DDX52: variants seen among roughly 807,000 people sequenced by gnomAD.
The protein encoded by DDX52 is DExD-box helicase 52.
DDX52 carries 59 observed loss-of-function variants against 76.1 expected under a neutral mutation model. That is an observed-to-expected ratio of 0.78 (90% confidence interval 0.63 to 0.96). The LOEUF is 0.96. Among genes scored for constraint, DDX52 ranks in the 40% least tolerant of loss-of-function variants. The probability of loss-of-function intolerance (pLI) is 0.00; values close to 1 mark genes in which losing one functional copy is unlikely to be tolerated. For synonymous variants in DDX52, 231 were observed against 244.1 expected (o/e 0.95, Z 0.50); for missense variants, 707 against 703.9 (o/e 1.00, Z -0.05).
rs148296607 is a variant in DDX52, at chr17:37,618,385, C to T, written c.1650-1G>A. ...CTTAATCATCTTTTTCTTTTGTTTG[C>T]TGAAAGTTACAAAGTAAAAAAGGAA... On this transcript the variant is annotated splice_acceptor_variant, in intron 13 of 14. Transcript: ENST00000617633. LOFTEE classifies it high-confidence loss of function. 2.5e-6 allele frequency: 4 copies of T among 1,578,452 alleles called. No individual in the cohort carries two copies. In the African/African-American group the frequency reaches 4.2e-5, roughly 16 times the overall value.
At chr17:37,630,209 A>G in intron 4 of DDX52, 36 bp from the exon 5 acceptor site, 1 of 1,523,842 alleles carries the variant, frequency 6.6e-7, no homozygotes, top group Non-Finnish European at 8.8e-7. Context: ...CTACAAAGAA[A>G]GTACATAAAT....
intron 2 of DDX52, among the ~76,000 whole-genome samples, chr17:37,638,770 CT>C (rs920881727): frequency 0.56 from 64,558 of 114,432 alleles, 16,269 homozygotes; most frequent in East Asian, 0.79. Flanking sequence ...TGTTTTTTTT[CT>C]TTTTTTTTTT....
At chr17:37,627,653 A>G (rs1447825528) in intron 6 of DDX52, among the ~76,000 whole-genome samples, 1 of 152,060 alleles carries the variant, frequency 6.6e-6, no homozygotes, top group Non-Finnish European at 1.5e-5. Flanking sequence ...CAAGATTTAA[A>G]CAAAACAAAA....
At chr17:37,637,281 G>A (rs776674519) in intron 2 of DDX52, among the ~76,000 whole-genome samples, 7 of 151,910 alleles carry the variant, frequency 4.6e-5, no homozygotes, top group South Asian at 2.1e-4. Context: ...ACAGGCATGC[G>A]CCACCACGTC....
chr17:37,623,769 A>G (rs2030221644), intron 9 of DDX52, among the ~76,000 whole-genome samples: 1 of 152,164 alleles, frequency 6.6e-6, no homozygotes, highest in African/African-American at 2.4e-5. Context: ...GCCCTTTATG[A>G]CACTTTATCA....
chr17:37,633,241 T>C, intron 3 of DDX52, 47 bp downstream of exon 3: 1 of 1,542,116 alleles, frequency 6.5e-7, no homozygotes, highest in Non-Finnish European at 8.7e-7. Context: ...AATAAGTCAC[T>C]AGGTCAGAAA....
At chr17:37,628,093 C>T (rs1014098071) in intron 6 of DDX52, among the ~76,000 whole-genome samples, 9 of 152,230 alleles carry the variant, frequency 5.9e-5, no homozygotes, top group African/African-American at 2.2e-4. Context: ...CCCAGCTATG[C>T]ATGCCATTCC....
In DDX52 at chr17:37,618,419, A is replaced by G. The variant is rs568375129; in HGVS notation, c.1650-35T>C. ...ACAAAGTAAAAAAGGAAAAGAATTAAGTGCAACTTCAATTAGAAGAGTTAA... is the reference window on the plus strand; with the variant it reads ...ACAAAGTAAAAAAGGAAAAGAATTAGGTGCAACTTCAATTAGAAGAGTTAA... On this transcript the variant is annotated intron_variant, in intron 13 of 14. Transcript: ENST00000617633. 2.5e-5 allele frequency: 37 copies of G among 1,507,042 alleles called. No individual in the cohort carries two copies. The South Asian group carries it at 4.5e-4, about 18-fold the overall frequency. 93.4% of individuals were successfully genotyped at this position (1,507,042 alleles called of 1,614,324 possible). A position where few individuals can be genotyped will look rare whatever the true frequency, so the allele number is the denominator to read the frequency against.
intron 13 of DDX52, among the ~76,000 whole-genome samples, chr17:37,619,473 T>C (rs2029963407): frequency 6.6e-6 from 1 of 152,102 alleles, no homozygotes; most frequent in Non-Finnish European, 1.5e-5. Flanking sequence ...GGATATAAGA[T>C]AGCAAGATCA....
intron 6 of DDX52, among the ~76,000 whole-genome samples, 195 bp downstream of exon 6, chr17:37,628,366 C>G (rs956092940): frequency 6.6e-6 from 1 of 152,154 alleles, no homozygotes; most frequent in Admixed American, 6.5e-5. Flanking sequence ...AAGATTGTCT[C>G]TATTTGAGAA....
chr17:37,627,853 G>C (rs578243334), intron 6 of DDX52, among the ~76,000 whole-genome samples: 1 of 151,920 alleles, frequency 6.6e-6, no homozygotes, highest in Non-Finnish European at 1.5e-5. Flanking sequence ...TGGCAGCCTT[G>C]AACTCCTGCG....
chr17:37,639,339 A>G, intron 2 of DDX52: 4 of 966,766 alleles, frequency 4.1e-6, no homozygotes, highest in Non-Finnish European at 4.9e-6. Flanking sequence ...GGCATCGCAA[A>G]GTAGAATAAC....
intron 6 of DDX52, among the ~76,000 whole-genome samples, chr17:37,627,130 A>G (rs956171426): frequency 6.6e-6 from 1 of 152,204 alleles, no homozygotes; most frequent in Non-Finnish European, 1.5e-5. Flanking sequence ...CTTGGGCTCA[A>G]GAGATCTTCT....
chr17:37,619,584 T>C (rs2029970433), intron 13 of DDX52, among the ~76,000 whole-genome samples, 184 bp downstream of exon 13: 1 of 151,906 alleles, frequency 6.6e-6, no homozygotes. Context: ...TGGTAGTACA[T>C]GCCTGTAGTC....
At chr17:37,619,886 A>G (rs757308727) in intron 12 of DDX52, 47 bp from the exon 13 acceptor site, 6 of 1,579,982 alleles carry the variant, frequency 3.8e-6, no homozygotes, top group African/African-American at 1.4e-5. Flanking sequence ...TGCTAAATTG[A>G]TGTTTATGAA....
Position 37,642,263 on chromosome 17 carries a change from C to T in DDX52, c.133G>A (p.Gly45Arg). 6.2e-7 allele frequency: 1 copy of T among 1,614,048 alleles called. No individual in the cohort carries two copies. The highest frequency in any genetic ancestry group is 2.2e-5 in the East Asian group (1 of 44,874). Residue 45 changes from glycine (G) to arginine (R), a missense_variant, in exon 2 of 15, where the codon GGA becomes AGA. By Grantham distance (125) the Gly-to-Arg change is moderately radical. Coordinates refer to ENST00000617633, the MANE Select transcript of DDX52 (RefSeq NM_007010.5). The stretch of plus-strand genomic sequence containing the variant: ...TTCTTGTTTCCAAAAAAGTCCAGTC[C>T]CTGAAGCACCTCCGAAGAATCAAAG... ...YDFDSSEVLQ[G>R]LDFFGNKKSV... is the part of the protein sequence containing the mutation.
chr17:37,635,090 C>T (rs1042947000), intron 2 of DDX52, among the ~76,000 whole-genome samples: 1 of 152,000 alleles, frequency 6.6e-6, no homozygotes, highest in African/African-American at 2.4e-5. Context: ...TGAGCCACCG[C>T]GCCTGGCCTA....
chr17:37,638,327 A>G (rs2031025766), intron 2 of DDX52, among the ~76,000 whole-genome samples: 1 of 152,226 alleles, frequency 6.6e-6, no homozygotes, highest in African/African-American at 2.4e-5. Flanking sequence ...GATTGCAATG[A>G]TTCTGTAGAT....
intron 2 of DDX52, among the ~76,000 whole-genome samples, chr17:37,635,091 G>T (rs1036033435): frequency 6.6e-6 from 1 of 151,942 alleles, no homozygotes; most frequent in Non-Finnish European, 1.5e-5. Context: ...GAGCCACCGC[G>T]CCTGGCCTAA....
Sources: gnomAD v4.1 joint callset for allele counts (sites outside exome capture counted in the v4.1 genomes callset) on GRCh38, gnomAD v4.1.1 for gene constraint, MANE v1.5 for transcripts, NCBI Gene and HGNC (gene_info 2026-07-23, HGNC 2026-07-21) for gene names.